TMEM117: variants seen among roughly 807,000 people sequenced by gnomAD.
TMEM117 encodes the protein transmembrane protein 117.
Under a neutral mutation model 52.4 loss-of-function variants are expected in TMEM117, and 27 were observed. The observed-to-expected ratio is 0.51, with a 90% CI of 0.38 to 0.71. The LOEUF is 0.71. TMEM117 is among the 30% of genes least tolerant of loss of function. The pLI is 0.00. For missense variants in TMEM117, 556 were observed against 630.5 expected, an observed-to-expected ratio of 0.88 and a Z score of 1.26; for synonymous variants, 215 against 206.3, an observed-to-expected ratio of 1.04 and a Z score of -0.36.
chr12:44,333,062 A>G (rs1951293886), intron 6 of TMEM117, among the ~76,000 whole-genome samples: 1 of 151,994 alleles, frequency 6.6e-6, no homozygotes, highest in Admixed American at 6.6e-5. Flanking sequence ...ATTACTGAAG[A>G]GTGTTCCTTA....
intron 3 of TMEM117, among the ~76,000 whole-genome samples, chr12:44,007,424 A>T (rs897667134): frequency 6.6e-6 from 1 of 152,034 alleles, no homozygotes; most frequent in African/African-American, 2.4e-5. Context: ...TTGCCTAAGA[A>T]AGTCTTTATT....
chr12:43,844,285 C>T (rs1943162898), intron 1 of TMEM117, among the ~76,000 whole-genome samples: 1 of 152,214 alleles, frequency 6.6e-6, no homozygotes, highest in African/African-American at 2.4e-5. Flanking sequence ...CATGGTTGTG[C>T]CACCTCTGCA....
chr12:43,982,104 A>C (rs192453710), intron 3 of TMEM117, among the ~76,000 whole-genome samples: 40 of 152,338 alleles, frequency 2.6e-4, no homozygotes, highest in Middle Eastern at 3.4e-3. Flanking sequence ...ATGTATCAAA[A>C]CACTAAATTG....
the TMEM117 span, among the ~76,000 whole-genome samples, chr12:43,819,442 T>C: frequency 1.3e-5 from 2 of 152,154 alleles, no homozygotes; most frequent in Non-Finnish European, 2.9e-5. Context: ...CCAACAGCAT[T>C]GATTTTCTCT....
intron 5 of TMEM117, chr12:44,244,354 G>A (rs1950102205): frequency 6.6e-6 from 1 of 151,950 alleles, no homozygotes; most frequent in Non-Finnish European, 1.5e-5. Flanking sequence ...GTTTTAATTT[G>A]CATTTCCCTG....
the TMEM117 span, among the ~76,000 whole-genome samples, chr12:43,812,558 C>T: frequency 6.6e-6 from 1 of 152,140 alleles, no homozygotes; most frequent in East Asian, 1.9e-4. Context: ...TTGTGCTGTT[C>T]AATTATCAGG....
At chr12:43,913,449 T>C (rs1433290461) in intron 2 of TMEM117, among the ~76,000 whole-genome samples, 3 of 152,192 alleles carry the variant, frequency 2.0e-5, no homozygotes, top group African/African-American at 7.2e-5. Context: ...TGTCCCATCA[T>C]GTTATGGGAT....
intron 3 of TMEM117, among the ~76,000 whole-genome samples, chr12:44,115,060 G>A (rs1470395269): frequency 6.6e-6 from 1 of 152,056 alleles, no homozygotes; most frequent in Non-Finnish European, 1.5e-5. Flanking sequence ...AACTATTTCA[G>A]GATTGGCAAA....
At chr12:44,364,861 A>G (rs898336013) in intron 6 of TMEM117, among the ~76,000 whole-genome samples, 2 of 152,114 alleles carry the variant, frequency 1.3e-5, no homozygotes, top group Admixed American at 6.6e-5. Context: ...TACAAATCTT[A>G]ACCATCACAT....
intron 3 of TMEM117, among the ~76,000 whole-genome samples, chr12:44,031,566 C>T (rs1349754790): frequency 6.6e-6 from 1 of 152,144 alleles, no homozygotes; most frequent in African/African-American, 2.4e-5. Flanking sequence ...ATAAACTAAA[C>T]TAAAGAAATC....
At chr12:44,272,376 A>T (rs745398367) in intron 5 of TMEM117, among the ~76,000 whole-genome samples, 2 of 152,182 alleles carry the variant, frequency 1.3e-5, no homozygotes, top group Non-Finnish European at 2.9e-5. Context: ...GACAAATGGG[A>T]TCTAATTCAA....
intron 6 of TMEM117, among the ~76,000 whole-genome samples, chr12:44,340,428 G>A (rs1951401256): frequency 6.6e-6 from 1 of 152,094 alleles, no homozygotes; most frequent in Non-Finnish European, 1.5e-5. Flanking sequence ...TATAAACACT[G>A]TGATTTGGCT....
chr12:44,134,012 C>T (rs948462269), intron 3 of TMEM117, among the ~76,000 whole-genome samples: 2 of 152,184 alleles, frequency 1.3e-5, no homozygotes, highest in Non-Finnish European at 2.9e-5. Flanking sequence ...CTCCAGGTTA[C>T]ACATTATCTG....
chr12:43,820,644 T>C, the TMEM117 span, among the ~76,000 whole-genome samples: 1 of 151,800 alleles, frequency 6.6e-6, no homozygotes, highest in Non-Finnish European at 1.5e-5. Context: ...GCAAGCATTG[T>C]TATTCTGCAG....
At chr12:44,281,448 C>CA (rs1950575663) in intron 5 of TMEM117, among the ~76,000 whole-genome samples, 1 of 152,076 alleles carries the variant, frequency 6.6e-6, no homozygotes, top group Non-Finnish European at 1.5e-5. Flanking sequence ...AGATGCAACT[C>CA]AGACATACTC....
intron 2 of TMEM117, among the ~76,000 whole-genome samples, chr12:43,886,655 T>C (rs1675759): frequency 0.88 from 134,528 of 152,094 alleles, 61,528 homozygotes; most frequent in Non-Finnish European, 0.99. Context: ...CAGGGGTACA[T>C]GTGCAGGATG....
intron 6 of TMEM117, among the ~76,000 whole-genome samples, chr12:44,350,048 G>C (rs2138776277): frequency 6.6e-6 from 1 of 152,062 alleles, no homozygotes; most frequent in South Asian, 2.1e-4. Flanking sequence ...AATGGATTCT[G>C]TTCTTATCCA....
chr12:43,827,419 G>A, the TMEM117 span, among the ~76,000 whole-genome samples: 5 of 152,104 alleles, frequency 3.3e-5, no homozygotes, highest in African/African-American at 1.2e-4. Flanking sequence ...TTTTGGAATG[G>A]TAGCATAATT....
At chr12:44,155,293 T>C (rs948853999) in intron 4 of TMEM117, among the ~76,000 whole-genome samples, 7 of 152,068 alleles carry the variant, frequency 4.6e-5, no homozygotes, top group African/African-American at 1.7e-4. Flanking sequence ...CATAACAAAT[T>C]AGTAAGGAGT....
Sources: allele counts gnomAD v4.1 joint callset (sites outside exome capture counted in the v4.1 genomes callset), GRCh38; gene constraint gnomAD v4.1.1; transcripts MANE v1.5; gene names NCBI Gene and HGNC (gene_info 2026-07-23, HGNC 2026-07-21).